The following SOAT1 variants were observed in gnomAD, a reference collection of about 807,000 sequenced individuals.
The protein encoded by SOAT1 is acyl-coenzyme A:cholesterol acyltransferase 1.
In SOAT1, 55 loss-of-function variants were observed where a neutral mutation model predicts 69.5. The ratio of observed to expected loss-of-function variants is 0.79; its 90% CI spans 0.64 to 0.99. The LOEUF (loss-of-function observed/expected upper bound fraction) is 0.99. Among genes scored for constraint, SOAT1 ranks in the 50% least tolerant of loss-of-function variants. SOAT1 has a pLI of 0.00. For synonymous variants in SOAT1, 231 were observed against 224.7 expected, an observed-to-expected ratio of 1.03 and a Z score of -0.25; for missense variants, 580 against 669.3, an observed-to-expected ratio of 0.87 and a Z score of 1.47.
rs1407118201 is a variant in SOAT1, at chr1:179,356,628, T to G, written c.*2987T>G. 1 of 151,718 alleles carries G rather than the reference T, an allele frequency of 6.6e-6. No homozygotes were observed. Among genetic ancestry groups the G allele is most frequent in the African/African-American group, 2.4e-5 (1 of 41,228 alleles). 9.4% of individuals were successfully genotyped at this position (151,718 alleles called of 1,614,324 possible). A position where few individuals can be genotyped will look rare whatever the true frequency, so the allele number is the denominator to read the frequency against. ...CCTCAGCCTCTCAAAGTGCTGGGAT[T>G]ACAGGTGTGAGCCACGGCTCCTGGC... On this transcript the variant is annotated 3_prime_UTR_variant, in exon 16 of 16. Transcript: ENST00000367619.
intron 3 of SOAT1, among the ~76,000 whole-genome samples, chr1:179,333,053 A>G (rs915087275): frequency 6.6e-6 from 1 of 152,232 alleles, no homozygotes; most frequent in African/African-American, 2.4e-5. Context: ...TGCCATGTAA[A>G]GGAATGTGGT....
chr1:179,345,342 A>C (rs1002661249), intron 11 of SOAT1, among the ~76,000 whole-genome samples: 6 of 152,158 alleles, frequency 3.9e-5, no homozygotes, highest in African/African-American at 4.8e-5. Context: ...CCTGTTCGCT[A>C]TTAAGTTCAT....
chr1:179,348,547 A>G (rs1280195799), intron 12 of SOAT1, among the ~76,000 whole-genome samples: 2 of 152,170 alleles, frequency 1.3e-5, no homozygotes, highest in East Asian at 3.8e-4. Flanking sequence ...TTAGATGAAC[A>G]TTAGATTTAA....
chr1:179,342,265 C>A, intron 8 of SOAT1, 73 bp downstream of exon 8: 2 of 814,854 alleles, frequency 2.5e-6, no homozygotes, highest in Non-Finnish European at 3.6e-6. Context: ...CCCTTCCCTT[C>A]CCTTCCCTTC....
At chr1:179,327,243 A>C (rs997557133) in intron 3 of SOAT1, among the ~76,000 whole-genome samples, 2 of 152,200 alleles carry the variant, frequency 1.3e-5, no homozygotes, top group Admixed American at 1.3e-4. Flanking sequence ...TTTTTCACAT[A>C]CTAATTCCTC....
At chr1:179,303,905 G>A (rs925936246) in intron 2 of SOAT1, among the ~76,000 whole-genome samples, 1 of 152,118 alleles carries the variant, frequency 6.6e-6, no homozygotes, top group Admixed American at 6.6e-5. Context: ...CAGTTCTTGG[G>A]ACAGAAAAGT....
At chr1:179,329,133 T>C (rs937151182) in intron 3 of SOAT1, among the ~76,000 whole-genome samples, 2 of 152,052 alleles carry the variant, frequency 1.3e-5, no homozygotes, top group African/African-American at 4.8e-5. Context: ...CAGTACCTTA[T>C]GCTATTGTCC....
chr1:179,339,119 T>A lies in SOAT1; in HGVS notation c.390-319T>A, dbSNP rs531010971. ...TCATGATCAACATTATAGAAACTCA[T>A]GTCAATTTTAACATTTTGGAAATAG... On this transcript the variant is annotated intron_variant, in intron 5 of 15. Coordinates refer to ENST00000367619, the MANE Select transcript of SOAT1 (RefSeq NM_003101.6). Among the ~76,000 whole-genome samples, 62 of 152,212 alleles carry A rather than the reference T, an allele frequency of 4.1e-4. 1 individual carries two copies. In the South Asian group the frequency reaches 0.013, roughly 32 times the overall value.
chr1:179,305,618 C>T (rs1664977400), intron 2 of SOAT1, among the ~76,000 whole-genome samples: 1 of 152,096 alleles, frequency 6.6e-6, no homozygotes, highest in South Asian at 2.1e-4. Context: ...GTTGCTGAGT[C>T]ATGGTAAATG....
At chr1:179,324,686 G>T (rs1351277366) in intron 3 of SOAT1, among the ~76,000 whole-genome samples, 1 of 152,290 alleles carries the variant, frequency 6.6e-6, no homozygotes, top group East Asian at 1.9e-4. Context: ...TTAGTGCTTT[G>T]TTTCTCCATC....
intron 7 of SOAT1, 130 bp downstream of exon 7, chr1:179,341,440 A>ATATATTGTTC: frequency 1.1e-6 from 1 of 929,106 alleles, no homozygotes; most frequent in Non-Finnish European, 1.6e-6. Flanking sequence ...TTCTTTTGCC[A>ATATATTGTTC]TTATCTGTAA....
rs775042374 is a variant in SOAT1 at position 179,342,923 on chromosome 1, C to G, written c.921C>G (p.Ile307Met). The part of the protein sequence containing the change: ...YLYFLFAPTL[I>M]YRDSYPRNPT... Reference sequence around the variant, plus strand: ...ACTTCTTATTTGCTCCTACCCTTATCTACCGTGACAGCTATCCCAGGTAAT... The same window carrying G: ...ACTTCTTATTTGCTCCTACCCTTATGTACCGTGACAGCTATCCCAGGTAAT... The change falls in exon 9 of 16, where the codon ATC becomes ATG. Residue 307 changes from isoleucine (I) to methionine (M), a missense_variant. Coordinates refer to ENST00000367619, the MANE Select transcript of SOAT1 (RefSeq NM_003101.6). The G allele has an allele frequency of 1.9e-6, 3 of 1,613,362 alleles. No individual in the cohort carries two copies. Among genetic ancestry groups the G allele is most frequent in the Non-Finnish European group, 1.7e-6 (2 of 1,179,334 alleles).
rs539245914 is a variant in SOAT1 at position 179,336,655 on chromosome 1, A to G, written c.329+998A>G. Among the ~76,000 whole-genome samples the G allele has an allele frequency of 6.3e-4, 96 of 152,328 alleles. 1 individual carries two copies. The highest frequency in any genetic ancestry group is 9.1e-4 in the Admixed American group (14 of 15,304). On this transcript the variant is annotated intron_variant, in intron 4 of 15. Transcript: ENST00000367619. The stretch of plus-strand genomic sequence containing the variant: ...AGTACTTAATTAAATGTCCAAAATT[A>G]CATAGCAGGGATTTGAACCTAGAGT...
At chr1:179,337,748 T>C in intron 4 of SOAT1, 89 bp from the exon 5 acceptor site, 1 of 873,258 alleles carries the variant, frequency 1.1e-6, no homozygotes, top group Admixed American at 2.6e-5. Flanking sequence ...TGTTAGATGG[T>C]GTTATTGGTA....
At chr1:179,336,091 G>T (rs950165467) in intron 4 of SOAT1, among the ~76,000 whole-genome samples, 1 of 151,610 alleles carries the variant, frequency 6.6e-6, no homozygotes, top group African/African-American at 2.4e-5. Flanking sequence ...TTGAACCTAG[G>T]AGGCGGGGGT....
chr1:179,295,327 A>G (rs1331580003), intron 1 of SOAT1, among the ~76,000 whole-genome samples: 3 of 152,138 alleles, frequency 2.0e-5, no homozygotes, highest in Non-Finnish European at 4.4e-5. Flanking sequence ...CCTGCCTCAG[A>G]TATCAGCCCA....
At chr1:179,347,743 T>G in intron 12 of SOAT1, 46 bp downstream of exon 12, 1 of 1,069,420 alleles carries the variant, frequency 9.4e-7, no homozygotes, top group Non-Finnish European at 1.4e-6. Flanking sequence ...TTTATTAACT[T>G]CTTCATTATT....
intron 3 of SOAT1, among the ~76,000 whole-genome samples, chr1:179,331,785 T>G (rs532918358): frequency 3.3e-5 from 5 of 152,262 alleles, no homozygotes; most frequent in African/African-American, 1.2e-4. Context: ...GTCAATTTAG[T>G]GTAAGTCCTA....
intron 3 of SOAT1, among the ~76,000 whole-genome samples, chr1:179,329,608 G>A (rs1665906467): frequency 6.6e-6 from 1 of 151,366 alleles, no homozygotes; most frequent in South Asian, 2.1e-4. Flanking sequence ...GTAGTCCCAA[G>A]TACTCTGGAA....
Sources: gnomAD v4.1 joint callset for allele counts (sites outside exome capture counted in the v4.1 genomes callset) on GRCh38, gnomAD v4.1.1 for gene constraint, MANE v1.5 for transcripts, NCBI Gene and HGNC (gene_info 2026-07-23, HGNC 2026-07-21) for gene names.